HERC3: variants seen among roughly 807,000 people sequenced by gnomAD.
HERC3 encodes HECT and RLD domain containing E3 ubiquitin protein ligase 3.
HERC3 carries 58 observed loss-of-function variants against 129.9 expected under a neutral mutation model. That is an observed-to-expected ratio of 0.45 (90% confidence interval 0.36 to 0.56). The LOEUF (loss-of-function observed/expected upper bound fraction) is 0.56. HERC3 is among the 20% of genes least tolerant of loss of function. HERC3 has a pLI of 0.00. For synonymous variants in HERC3, 430 were observed against 451.0 expected (o/e 0.95, Z 0.59); for missense variants, 835 against 1,244.2 (o/e 0.67, Z 4.95).
At chr4:88,533,507 A>G in the HERC3 span, among the ~76,000 whole-genome samples, 921 of 152,328 alleles carry the variant, frequency 6.0e-3, 8 homozygotes, top group Non-Finnish European at 9.1e-3. Flanking sequence ...GACCTATGTG[A>G]GTAATTTGAT....
intron 23 of HERC3, among the ~76,000 whole-genome samples, chr4:88,698,444 G>A (rs1355313688): frequency 6.6e-6 from 1 of 152,024 alleles, no homozygotes; most frequent in African/African-American, 2.4e-5. Context: ...GGACTCCCCT[G>A]GAAGCAGTTT....
chr4:88,660,367 A>G (rs889139468), intron 10 of HERC3, among the ~76,000 whole-genome samples: 1 of 151,966 alleles, frequency 6.6e-6, no homozygotes, highest in African/African-American at 2.4e-5. Flanking sequence ...ATGCCTGGGT[A>G]ATTTTTTTTG....
the HERC3 span, among the ~76,000 whole-genome samples, chr4:88,579,409 AAAACAAACAAAC>A: frequency 6.6e-6 from 1 of 151,892 alleles, no homozygotes; most frequent in Non-Finnish European, 1.5e-5. Context: ...TCCATCTGAA[AAAACAAACAAAC>A]AAACAAACAA....
At chr4:88,642,429 A>G (rs1728220243) in intron 3 of HERC3, among the ~76,000 whole-genome samples, 1 of 152,258 alleles carries the variant, frequency 6.6e-6, no homozygotes, top group Non-Finnish European at 1.5e-5. Flanking sequence ...AACAAATCTT[A>G]TAGCTATGTC....
chr4:88,662,033 TC>T (rs1233008570), intron 10 of HERC3, among the ~76,000 whole-genome samples: 1 of 152,080 alleles, frequency 6.6e-6, no homozygotes, highest in Non-Finnish European at 1.5e-5. Context: ...TAGAAGAACA[TC>T]TACTGAGGGA....
chr4:88,644,022 T>C (rs374587091), intron 3 of HERC3, among the ~76,000 whole-genome samples: 3 of 152,154 alleles, frequency 2.0e-5, no homozygotes, highest in Non-Finnish European at 4.4e-5. Flanking sequence ...AATAAGCACA[T>C]GAAAAGATGT....
chr4:88,648,714 A>G (rs1025828734), intron 3 of HERC3, among the ~76,000 whole-genome samples: 1 of 151,552 alleles, frequency 6.6e-6, no homozygotes. Context: ...TCAGTGTGAA[A>G]TTTTCTTGTG....
At chr4:88,583,311 C>A in the HERC3 span, among the ~76,000 whole-genome samples, 9 of 152,026 alleles carry the variant, frequency 5.9e-5, 1 homozygote, top group South Asian at 1.9e-3. Flanking sequence ...TGGTGGGTGC[C>A]TGTAATTCCA....
the HERC3 span, among the ~76,000 whole-genome samples, chr4:88,526,224 A>G: frequency 1.3e-5 from 2 of 152,232 alleles, no homozygotes; most frequent in Non-Finnish European, 2.9e-5. Flanking sequence ...CTGAAATGGA[A>G]TTTTTCTAAT....
intron 23 of HERC3, among the ~76,000 whole-genome samples, chr4:88,699,936 A>G (rs1366893123): frequency 6.6e-6 from 1 of 152,156 alleles, no homozygotes; most frequent in African/African-American, 2.4e-5. Context: ...AGTAATCAAG[A>G]TATAGAACAG....
intron 3 of HERC3, among the ~76,000 whole-genome samples, chr4:88,613,300 A>G (rs1311968314): frequency 4.6e-5 from 7 of 152,174 alleles, no homozygotes; most frequent in African/African-American, 1.7e-4. Flanking sequence ...ACTCTATTTG[A>G]TTCATCTCTG....
At chr4:88,645,135 G>C (rs1172437959) in intron 3 of HERC3, among the ~76,000 whole-genome samples, 1 of 152,146 alleles carries the variant, frequency 6.6e-6, no homozygotes, top group Admixed American at 6.5e-5. Context: ...GCACCCCACA[G>C]ACTGGGTTGA....
the HERC3 span, among the ~76,000 whole-genome samples, chr4:88,565,210 C>T: frequency 3.3e-5 from 5 of 152,158 alleles, no homozygotes; most frequent in Admixed American, 2.0e-4. Flanking sequence ...ATGTATTCTA[C>T]AGCCACTGGA....
At chr4:88,576,308 C>A in the HERC3 span, among the ~76,000 whole-genome samples, 1 of 152,198 alleles carries the variant, frequency 6.6e-6, no homozygotes, top group South Asian at 2.1e-4. Flanking sequence ...CTGTATAAAA[C>A]CTTCCAGTGG....
At position 88,706,728 on chromosome 4, in the gene HERC3, A is replaced by G. The variant is rs766745863; in HGVS notation, c.2945-24A>G. ...TCCATTTTCCGTTTGCTTAGCTGCTAATGCCATTTCTCGTTCTCCCCAGTG... is the reference window on the plus strand; with the variant it reads ...TCCATTTTCCGTTTGCTTAGCTGCTGATGCCATTTCTCGTTCTCCCCAGTG... On this transcript the variant is annotated intron_variant, in intron 25 of 25. Coordinates refer to ENST00000402738, the MANE Select transcript of HERC3 (RefSeq NM_014606.3). 1.9e-6 allele frequency: 3 copies of G among 1,604,416 alleles called. No homozygotes were observed. In the South Asian group the frequency reaches 3.3e-5, roughly 18 times the overall value.
chr4:88,651,562 C>G (rs1729279182), intron 4 of HERC3, among the ~76,000 whole-genome samples: 2 of 152,184 alleles, frequency 1.3e-5, no homozygotes, highest in Admixed American at 6.5e-5. Context: ...TGTGCTTGCA[C>G]TGTATGGACT....
intron 23 of HERC3, chr4:88,693,381 C>G: frequency 1.0e-6 from 1 of 965,734 alleles, no homozygotes; most frequent in Non-Finnish European, 1.2e-6. Context: ...ATTATACTCC[C>G]TTATATGTCA....
At chr4:88,542,288 C>G in the HERC3 span, among the ~76,000 whole-genome samples, 6 of 152,126 alleles carry the variant, frequency 3.9e-5, no homozygotes, top group Admixed American at 1.3e-4. Flanking sequence ...GAAATACAAA[C>G]TACCATCAGA....
intron 16 of HERC3, 53 bp from the exon 17 acceptor site, chr4:88,676,165 A>T: frequency 7.4e-7 from 1 of 1,352,388 alleles, no homozygotes; most frequent in Non-Finnish European, 1.0e-6. Flanking sequence ...TGGAGGGATT[A>T]AAATTCAGGG....
Sources: allele counts gnomAD v4.1 joint callset (sites outside exome capture counted in the v4.1 genomes callset), GRCh38; gene constraint gnomAD v4.1.1; transcripts MANE v1.5; gene names NCBI Gene and HGNC (gene_info 2026-07-23, HGNC 2026-07-21).